Variants in ARMH4 observed in about 807,000 individuals in gnomAD.
The protein encoded by ARMH4 is armadillo like helical domain containing 4.
ARMH4 carries 49 observed loss-of-function variants against 61.9 expected under a neutral mutation model. That is an observed-to-expected ratio of 0.79 (90% CI 0.63 to 1.00). The LOEUF is 1.00. ARMH4 is among the 50% of genes least tolerant of loss of function. The probability of loss-of-function intolerance (pLI) is 0.00; values close to 1 mark genes in which losing one functional copy is unlikely to be tolerated. For synonymous variants in ARMH4, 368 were observed against 341.5 expected (o/e 1.08, Z -0.85); for missense variants, 934 against 930.0 (o/e 1.00, Z -0.06).
At chr14:58,046,239 G>T (rs1883937675) in intron 5 of ARMH4, among the ~76,000 whole-genome samples, 1 of 152,146 alleles carries the variant, frequency 6.6e-6, no homozygotes, top group Non-Finnish European at 1.5e-5. Context: ...TCTAGAGATG[G>T]ACCAATACGT....
chr14:58,112,286 C>CTTTTTTTTTTTTTTTTTTCTT (rs375451865), intron 4 of ARMH4, among the ~76,000 whole-genome samples: 1 of 133,404 alleles, frequency 7.5e-6, no homozygotes, highest in African/African-American at 2.8e-5. Flanking sequence ...CTTAATTTTT[C>CTTTTTTTTTTTTTTTTTTCTT]TTTTTTTTTT....
chr14:58,039,564 G>T (rs1035375080), intron 5 of ARMH4, among the ~76,000 whole-genome samples: 1 of 152,156 alleles, frequency 6.6e-6, no homozygotes, highest in Admixed American at 6.5e-5. Flanking sequence ...TTTAAAGGAA[G>T]GGCCACAAAG....
rs1351473207 is a variant in ARMH4, at chr14:58,003,255, T to C, written c.*1481A>G. On this transcript the variant is annotated 3_prime_UTR_variant, in exon 8 of 8. Transcript: ENST00000267485. Reference sequence around the variant, plus strand: ...TATGAAAAGGTTACTGAACTGAAGATAAGGGTGCATGGCTGGGTCCAAGTG... The same window carrying C: ...TATGAAAAGGTTACTGAACTGAAGACAAGGGTGCATGGCTGGGTCCAAGTG... 6.6e-6 allele frequency: 1 copy of C among 152,238 alleles called. No homozygotes were observed. The allele number at this position is 152,238 out of a possible 1,614,324, so 9.4% of individuals were successfully genotyped here.
At chr14:58,043,671 G>C (rs1274191025) in intron 5 of ARMH4, among the ~76,000 whole-genome samples, 1 of 152,218 alleles carries the variant, frequency 6.6e-6, no homozygotes, top group Non-Finnish European at 1.5e-5. Flanking sequence ...AATTGTCCCT[G>C]TTTGCAGTTG....
intron 5 of ARMH4, among the ~76,000 whole-genome samples, chr14:58,025,819 T>C (rs746642912): frequency 5.2e-4 from 79 of 152,226 alleles, no homozygotes; most frequent in Non-Finnish European, 9.3e-4. Flanking sequence ...TTCACGTAAT[T>C]ACAGAACAGC....
chr14:58,043,352 A>C (rs1458920080), intron 5 of ARMH4, among the ~76,000 whole-genome samples: 2 of 152,036 alleles, frequency 1.3e-5, no homozygotes, highest in African/African-American at 4.8e-5. Context: ...AATGACAAAA[A>C]CCACATGATT....
At chr14:58,137,444 CTGGAGTGCAG>C (rs1272350756) in intron 2 of ARMH4, among the ~76,000 whole-genome samples, 1 of 152,018 alleles carries the variant, frequency 6.6e-6, no homozygotes, top group East Asian at 1.9e-4. Context: ...GTCACCCAGG[CTGGAGTGCAG>C]TGGTACAATC....
rs1887378491 is a variant in ARMH4 at position 58,138,228 on chromosome 14, G to GCC, written c.1129_1130dup (p.Thr378AlafsTer5). On this transcript the variant is annotated frameshift_variant, in exon 2 of 8. Coordinates refer to ENST00000267485, the MANE Select transcript of ARMH4 (RefSeq NM_001001872.4). LOFTEE classifies it high-confidence loss of function. ...TCCCATGCGCTATTAGCAGGGCTGT[G>GCC]CCCGTGTGTGTTTCCCCTTCAGGCA... 1 of 1,614,222 alleles carries GCC rather than the reference G, an allele frequency of 6.2e-7. No homozygotes were observed. Among genetic ancestry groups the GCC allele is most frequent in the African/African-American group, 1.3e-5 (1 of 75,060 alleles).
Position 58,052,404 on chromosome 14 carries a change from A to G in ARMH4, c.2090-40254T>C, listed in dbSNP as rs539987131. Among the ~76,000 whole-genome samples, 3 of 152,264 alleles carry G rather than the reference A, an allele frequency of 2.0e-5. No homozygotes were observed. The East Asian group carries it at 5.8e-4, about 29-fold the overall frequency. On this transcript the variant is annotated intron_variant, in intron 5 of 7. Transcript: ENST00000267485. ...TTTACAATGGAGGAAGCTAAGGAAG[A>G]GCGGGTTTCATGGGAACATTCTAAA...
chr14:58,131,377 G>T, intron 4 of ARMH4, 135 bp downstream of exon 4: 2 of 600,456 alleles, frequency 3.3e-6, no homozygotes, highest in Non-Finnish European at 5.6e-6. Flanking sequence ...GGCCAGATTT[G>T]GCCCAGCTGT....
rs541874150 is a variant in ARMH4, at chr14:58,011,329, T to G, written c.2121+790A>C. ...TAATTCAAATATGAGGGAAATTGAC[T>G]GCAGGTAATAAAAAAGATATGGAAT... On this transcript the variant is annotated intron_variant, in intron 6 of 7. Coordinates refer to ENST00000267485, the MANE Select transcript of ARMH4 (RefSeq NM_001001872.4). Among the ~76,000 whole-genome samples, 12 of 152,286 alleles carry G rather than the reference T, an allele frequency of 7.9e-5. No homozygotes were observed. The South Asian group carries it at 1.2e-3, about 16-fold the overall frequency.
chr14:58,093,346 A>T (rs1885636983), intron 5 of ARMH4, among the ~76,000 whole-genome samples: 1 of 151,738 alleles, frequency 6.6e-6, no homozygotes, highest in Admixed American at 6.6e-5. Flanking sequence ...GGCACATACC[A>T]CCCTCAGCTA....
At chr14:58,047,458 C>T (rs964241002) in intron 5 of ARMH4, among the ~76,000 whole-genome samples, 10 of 152,180 alleles carry the variant, frequency 6.6e-5, no homozygotes, top group African/African-American at 2.2e-4. Context: ...AAGCCCTTTA[C>T]ATAGAGTAAT....
intron 5 of ARMH4, among the ~76,000 whole-genome samples, chr14:58,061,122 C>T (rs2141213830): frequency 6.6e-6 from 1 of 152,292 alleles, no homozygotes; most frequent in South Asian, 2.1e-4. Context: ...CCTTGACTAG[C>T]CCAGCCAGGC....
rs537004206 is a variant in ARMH4 at position 58,096,475 on chromosome 14, G to T, written c.2089+249C>A. Among the ~76,000 whole-genome samples the T allele has an allele frequency of 2.0e-5, 3 of 152,262 alleles. No individual in the cohort carries two copies. In the South Asian group the frequency reaches 6.2e-4, roughly 32 times the overall value. ...AATAGGCAGCTGGAGACTGTTTGGAGCCTGGCTACTTAAGGGCATAAATAT... is the reference window on the plus strand; with the variant it reads ...AATAGGCAGCTGGAGACTGTTTGGATCCTGGCTACTTAAGGGCATAAATAT... On this transcript the variant is annotated intron_variant, in intron 5 of 7. Coordinates refer to ENST00000267485, the MANE Select transcript of ARMH4 (RefSeq NM_001001872.4).
chr14:58,149,050 T>C (rs1204414609), intron 1 of ARMH4, among the ~76,000 whole-genome samples: 1 of 152,230 alleles, frequency 6.6e-6, no homozygotes, highest in African/African-American at 2.4e-5. Context: ...TAACAATCTT[T>C]CCACTTTGTC....
intron 5 of ARMH4, among the ~76,000 whole-genome samples, chr14:58,056,252 T>C (rs1356896132): frequency 6.6e-6 from 1 of 152,236 alleles, no homozygotes; most frequent in East Asian, 1.9e-4. Context: ...CTCTGCTTCA[T>C]TCCCAAAGAA....
chr14:58,014,725 T>C (rs17734750), intron 5 of ARMH4, among the ~76,000 whole-genome samples: 35,385 of 152,054 alleles, frequency 0.23, 4,672 homozygotes, highest in Non-Finnish European at 0.3. Flanking sequence ...GCAGAAGTTA[T>C]AAGACCTAAT....
chr14:58,043,268 G>A (rs967073385), intron 5 of ARMH4, among the ~76,000 whole-genome samples: 15 of 152,102 alleles, frequency 9.9e-5, no homozygotes, highest in Non-Finnish European at 5.9e-5. Flanking sequence ...GATCAAGTGG[G>A]CTTCATCCCT....
Sources: allele counts gnomAD v4.1 joint callset (sites outside exome capture counted in the v4.1 genomes callset), GRCh38; gene constraint gnomAD v4.1.1; transcripts MANE v1.5; gene names NCBI Gene and HGNC (gene_info 2026-07-23, HGNC 2026-07-21).